MAML3: variants seen among roughly 807,000 people sequenced by gnomAD.
The protein encoded by MAML3 is mastermind like transcriptional coactivator 3, also known as mastermind-like protein 3.
In MAML3, 27 loss-of-function variants were observed where a neutral mutation model predicts 101.9. The observed-to-expected ratio is 0.27, with a 90% CI of 0.20 to 0.37. The LOEUF (loss-of-function observed/expected upper bound fraction) is 0.37, where lower values mean the gene tolerates loss of function less well. MAML3 is among the 10% of genes least tolerant of loss of function. The probability of loss-of-function intolerance (pLI) is 1.00; values close to 1 mark genes in which losing one functional copy is unlikely to be tolerated. For missense variants in MAML3, 1,316 were observed against 1,444.9 expected (o/e 0.91, Z 1.45); for synonymous variants, 501 against 555.9 (o/e 0.90, Z 1.39).
intron 2 of MAML3, among the ~76,000 whole-genome samples, chr4:139,765,687 C>A (rs1282249387): frequency 6.6e-6 from 1 of 152,050 alleles, no homozygotes; most frequent in African/African-American, 2.4e-5. Context: ...TCTTTTCCAC[C>A]AATGAAGAAT....
At chr4:140,040,436 G>C (rs1282859657) in intron 1 of MAML3, among the ~76,000 whole-genome samples, 1 of 152,200 alleles carries the variant, frequency 6.6e-6, no homozygotes, top group African/African-American at 2.4e-5. Context: ...TAGAGGACAA[G>C]GGTCCCTCCC....
intron 2 of MAML3, among the ~76,000 whole-genome samples, chr4:139,886,237 A>C (rs1018833504): frequency 1.3e-5 from 2 of 152,046 alleles, no homozygotes; most frequent in Non-Finnish European, 2.9e-5. Context: ...AAATAATGAT[A>C]TTGTCTCAAT....
intron 2 of MAML3, chr4:139,731,330 G>GTC (rs920422496): frequency 1.3e-5 from 2 of 151,668 alleles, no homozygotes; most frequent in African/African-American, 4.9e-5. Flanking sequence ...CGGGCGCGGT[G>GTC]TCTCACGCCT....
intron 2 of MAML3, among the ~76,000 whole-genome samples, chr4:139,887,197 A>C (rs926857775): frequency 2.0e-5 from 3 of 152,242 alleles, no homozygotes; most frequent in African/African-American, 7.2e-5. Context: ...TCAGATAAAA[A>C]CAAGAAATAA....
intron 2 of MAML3, among the ~76,000 whole-genome samples, chr4:139,772,010 T>C (rs149138002): frequency 0.044 from 6,466 of 148,098 alleles, 169 homozygotes; most frequent in Middle Eastern, 0.082. Context: ...GAGGCCGAGG[T>C]GGGCGGATCA....
chr4:139,927,906 T>C (rs934261484), intron 1 of MAML3, among the ~76,000 whole-genome samples: 1 of 152,222 alleles, frequency 6.6e-6, no homozygotes, highest in Non-Finnish European at 1.5e-5. Flanking sequence ...GTTCCTTTTA[T>C]TGGACAATGA....
Position 139,791,117 on chromosome 4 carries a change from CT to C in MAML3, c.2080-60451del, listed in dbSNP as rs563551858. Among the ~76,000 whole-genome samples the C allele has an allele frequency of 6.0e-4, 92 of 152,246 alleles. 1 individual carries two copies. Among genetic ancestry groups the C allele is most frequent in the Non-Finnish European group, 1.0e-3 (70 of 68,010 alleles). On this transcript the variant is annotated intron_variant, in intron 2 of 4. Transcript: ENST00000509479. The stretch of plus-strand genomic sequence containing the variant: ...TTTTAAACTCTTAATATGTACTGAA[CT>C]TTAAAAGTTTTATAATAATGGAAAC...
chr4:140,150,901 C>T (rs976641564), intron 1 of MAML3, among the ~76,000 whole-genome samples: 12 of 152,270 alleles, frequency 7.9e-5, no homozygotes, highest in African/African-American at 2.9e-4. Flanking sequence ...GCGAGAACCT[C>T]CCCCGACTCG....
intron 1 of MAML3, among the ~76,000 whole-genome samples, chr4:140,121,941 C>T (rs768832644): frequency 6.6e-6 from 1 of 152,108 alleles, no homozygotes; most frequent in Non-Finnish European, 1.5e-5. Flanking sequence ...CTCACGAGAT[C>T]TGATGGTTTT....
intron 1 of MAML3, among the ~76,000 whole-genome samples, chr4:139,948,961 C>A (rs1733783787): frequency 6.6e-6 from 1 of 152,106 alleles, no homozygotes; most frequent in Non-Finnish European, 1.5e-5. Flanking sequence ...GCCATGCAGC[C>A]TCTACGCCTT....
intron 1 of MAML3, among the ~76,000 whole-genome samples, chr4:140,051,557 C>CAAAA (rs545993388): frequency 2.9e-5 from 3 of 103,446 alleles, no homozygotes; most frequent in Non-Finnish European, 4.1e-5. Context: ...GACTCAGTCT[C>CAAAA]AAAAAAAAAA....
intron 1 of MAML3, among the ~76,000 whole-genome samples, chr4:140,074,685 A>C (rs1461321322): frequency 6.6e-6 from 1 of 152,148 alleles, no homozygotes; most frequent in Non-Finnish European, 1.5e-5. Flanking sequence ...TTTTAGTGTT[A>C]AGTACTTATG....
chr4:139,817,744 G>C (rs1730914096), intron 2 of MAML3, among the ~76,000 whole-genome samples: 1 of 152,166 alleles, frequency 6.6e-6, no homozygotes, highest in African/African-American at 2.4e-5. Context: ...CAGCTCTCAG[G>C]AGAGTGGGCA....
rs569936591 is a variant in MAML3 at position 140,000,206 on chromosome 4, T to C, written c.469-109239A>G. On this transcript the variant is annotated intron_variant, in intron 1 of 4. Transcript: ENST00000509479. Reference sequence around the variant, plus strand: ...TATATTAAAACTGTCACAGTCATCTTCATTTACCTCAGTAAAGACTGTTCA... The same window carrying C: ...TATATTAAAACTGTCACAGTCATCTCCATTTACCTCAGTAAAGACTGTTCA... 2.2e-4 allele frequency among the ~76,000 whole-genome samples: 33 copies of C among 152,346 alleles called. 1 individual carries two copies. The Middle Eastern group carries it at 0.01, about 47-fold the overall frequency.
intron 1 of MAML3, among the ~76,000 whole-genome samples, chr4:139,937,696 G>T (rs1428324774): frequency 6.6e-6 from 1 of 152,082 alleles, no homozygotes; most frequent in Non-Finnish European, 1.5e-5. Flanking sequence ...CCAGCAAAGG[G>T]TATTTATTAC....
intron 1 of MAML3, among the ~76,000 whole-genome samples, chr4:140,081,995 C>T (rs1006200831): frequency 2.6e-5 from 4 of 152,160 alleles, no homozygotes; most frequent in African/African-American, 9.7e-5. Context: ...AAAATAGGAT[C>T]CATAGCACCA....
chr4:139,960,859 G>T (rs1733999149), intron 1 of MAML3, among the ~76,000 whole-genome samples: 1 of 148,912 alleles, frequency 6.7e-6, no homozygotes, highest in African/African-American at 2.5e-5. Flanking sequence ...AGAAGGAAGA[G>T]AAAAAAAAAA....
intron 1 of MAML3, among the ~76,000 whole-genome samples, chr4:140,102,197 A>G (rs976375376): frequency 1.3e-5 from 2 of 152,206 alleles, no homozygotes; most frequent in East Asian, 3.8e-4. Context: ...CACTATATTG[A>G]TTACATTATG....
At chr4:139,766,165 CT>C (rs1230668394) in intron 2 of MAML3, among the ~76,000 whole-genome samples, 9 of 54,798 alleles carry the variant, frequency 1.6e-4, no homozygotes, top group African/African-American at 5.3e-4. Flanking sequence ...CCTTCATGGT[CT>C]TTCTTTTTGG....
Sources: allele counts gnomAD v4.1 joint callset (sites outside exome capture counted in the v4.1 genomes callset), GRCh38; gene constraint gnomAD v4.1.1; transcripts MANE v1.5; gene names NCBI Gene and HGNC (gene_info 2026-07-23, HGNC 2026-07-21).